Variants in EFCAB5 observed in about 807,000 individuals in gnomAD.
EFCAB5 encodes the protein EF-hand calcium binding domain 5.
A neutral mutation model predicts 167.9 loss-of-function variants in EFCAB5; 131 were observed. The observed-to-expected ratio is 0.78, with a 90% CI of 0.68 to 0.90. EFCAB5 has a LOEUF of 0.90. Ranked by LOEUF, EFCAB5 falls within the 40% of genes least tolerant of loss-of-function variation. EFCAB5 has a pLI of 0.00. For synonymous variants in EFCAB5, 574 were observed against 602.8 expected, an observed-to-expected ratio of 0.95 and a Z score of 0.70; for missense variants, 1,663 against 1,745.2, an observed-to-expected ratio of 0.95 and a Z score of 0.84.
chr17:30,070,265 A>G (rs2070697551), intron 14 of EFCAB5, among the ~76,000 whole-genome samples: 2 of 152,196 alleles, frequency 1.3e-5, no homozygotes, highest in Admixed American at 1.3e-4. Context: ...AAAAATGACC[A>G]TACTACCAAA....
upstream of EFCAB5, among the ~76,000 whole-genome samples, chr17:29,940,792 C>A (rs900161857): frequency 6.6e-6 from 1 of 152,116 alleles, no homozygotes; most frequent in African/African-American, 2.4e-5. Flanking sequence ...GTAATCCCAG[C>A]ACTTTCGGAG....
At chr17:30,077,065 G>A (rs998122414) in intron 14 of EFCAB5, among the ~76,000 whole-genome samples, 1 of 152,200 alleles carries the variant, frequency 6.6e-6, no homozygotes, top group East Asian at 1.9e-4. Flanking sequence ...ACTTTGGGAC[G>A]CTGAGGTGGG....
At chr17:29,950,298 C>G (rs969133774) in intron 3 of EFCAB5, among the ~76,000 whole-genome samples, 1 of 150,428 alleles carries the variant, frequency 6.6e-6, no homozygotes, top group East Asian at 1.9e-4. Context: ...CTTCCTTCCT[C>G]TCTTCCTTCC....
chr17:30,103,316 A>G (rs989118301), intron 22 of EFCAB5, among the ~76,000 whole-genome samples: 1 of 151,718 alleles, frequency 6.6e-6, no homozygotes. Context: ...ACATTAAACT[A>G]TGAATTTTGT....
chr17:30,012,114 C>T (rs546537530), intron 7 of EFCAB5, among the ~76,000 whole-genome samples: 9 of 152,252 alleles, frequency 5.9e-5, no homozygotes, highest in African/African-American at 1.4e-4. Context: ...CTAGTGGTAA[C>T]GCCAGCGTCT....
chr17:29,998,980 T>C (rs1258990574), intron 6 of EFCAB5, among the ~76,000 whole-genome samples: 5 of 152,200 alleles, frequency 3.3e-5, no homozygotes, highest in Non-Finnish European at 5.9e-5. Flanking sequence ...TTTCTTGGTT[T>C]TTGTGATATC....
chr17:29,995,294 C>A (rs538424096), intron 5 of EFCAB5, among the ~76,000 whole-genome samples: 80 of 152,316 alleles, frequency 5.3e-4, no homozygotes, highest in South Asian at 1.7e-3. Flanking sequence ...TCTCAGAACA[C>A]TCTTATAGTA....
At chr17:30,009,394 C>T (rs2068843160) in intron 7 of EFCAB5, among the ~76,000 whole-genome samples, 1 of 118,396 alleles carries the variant, frequency 8.4e-6, no homozygotes, top group Non-Finnish European at 1.8e-5. Flanking sequence ...TCCCCATTTC[C>T]TTCCAAACCT....
rs1290353381 is a variant in EFCAB5, at chr17:30,034,366, T to G, written c.1181T>G (p.Leu394Arg). 2 of 1,605,440 alleles carry G rather than the reference T, an allele frequency of 1.2e-6. No homozygotes were observed. The highest frequency in any genetic ancestry group is 2.2e-5 in the South Asian group (2 of 90,214). ...MRRQMFAELF[L>R]HCDHGKVGFL... ...AGGCAGATGTTCGCTGAACTCTTCC[T>G]ACATTGTGACCACGGGAAGGTGGGT... is the stretch of plus-strand genomic sequence containing the variant. The change falls in exon 8 of 23, where the codon CTA (leucine) becomes CGA (arginine). Residue 394 changes from leucine (L) to arginine (R), a missense_variant. By Grantham distance (102) the Leu-to-Arg change is moderately radical. Coordinates refer to ENST00000394835, the MANE Select transcript of EFCAB5 (RefSeq NM_198529.4).
chr17:29,966,434 C>A (rs2067828685), intron 3 of EFCAB5, among the ~76,000 whole-genome samples: 1 of 151,916 alleles, frequency 6.6e-6, no homozygotes. Context: ...AGTTCAAGAC[C>A]AGCCTAAGCA....
At chr17:30,090,231 G>C (rs2071168338) in intron 19 of EFCAB5, 190 bp from the exon 20 acceptor site, 1 of 719,506 alleles carries the variant, frequency 1.4e-6, no homozygotes, top group Non-Finnish European at 2.2e-6. Flanking sequence ...TGTTTGAGCA[G>C]AGACATGAGT....
At chr17:29,991,064 A>C (rs949378776) in intron 4 of EFCAB5, among the ~76,000 whole-genome samples, 11 of 152,162 alleles carry the variant, frequency 7.2e-5, no homozygotes, top group African/African-American at 2.7e-4. Context: ...TCAGTGTGAA[A>C]AGGTTCCAAG....
intron 4 of EFCAB5, among the ~76,000 whole-genome samples, chr17:29,992,478 G>T (rs1405148356): frequency 3.9e-5 from 6 of 152,176 alleles, no homozygotes; most frequent in Admixed American, 3.9e-4. Flanking sequence ...CTTACGAGTA[G>T]CTGGGACTAC....
intron 10 of EFCAB5, among the ~76,000 whole-genome samples, chr17:30,055,328 GGAAGGAA>G (rs2070224925): frequency 1.2e-5 from 1 of 83,512 alleles, no homozygotes; most frequent in Non-Finnish European, 2.7e-5. Context: ...GAGAGAGGAA[GGAAGGAA>G]GGAAGGAAGG....
At chr17:30,053,015 T>C (rs906638830) in intron 9 of EFCAB5, among the ~76,000 whole-genome samples, 2 of 152,200 alleles carry the variant, frequency 1.3e-5, no homozygotes, top group African/African-American at 4.8e-5. Flanking sequence ...GAGAATCCTA[T>C]TTATTTCCAA....
At chr17:29,967,680 A>G (rs1277618722) in intron 3 of EFCAB5, among the ~76,000 whole-genome samples, 1 of 152,178 alleles carries the variant, frequency 6.6e-6, no homozygotes. Flanking sequence ...TTTTAAAAAC[A>G]TACACACAAC....
chr17:30,062,939 G>A (rs1212821580), intron 14 of EFCAB5, among the ~76,000 whole-genome samples: 2 of 152,182 alleles, frequency 1.3e-5, no homozygotes, highest in African/African-American at 4.8e-5. Context: ...TGGCCACTCA[G>A]AACAGTCACA....
chr17:30,028,566 A>T (rs192082714), intron 7 of EFCAB5, among the ~76,000 whole-genome samples: 1 of 152,192 alleles, frequency 6.6e-6, no homozygotes, highest in African/African-American at 2.4e-5. Context: ...CTACCCTCCA[A>T]TTGGATGTGT....
intron 3 of EFCAB5, among the ~76,000 whole-genome samples, chr17:29,948,978 T>A (rs944380032): frequency 6.6e-6 from 1 of 152,188 alleles, no homozygotes; most frequent in Non-Finnish European, 1.5e-5. Context: ...GAAATCCTGA[T>A]AATAAGGACA....
Sources: gnomAD v4.1 joint callset for allele counts (sites outside exome capture counted in the v4.1 genomes callset) on GRCh38, gnomAD v4.1.1 for gene constraint, MANE v1.5 for transcripts, NCBI Gene and HGNC (gene_info 2026-07-23, HGNC 2026-07-21) for gene names.